The following SLC4A10 variants were observed in gnomAD, a reference collection of about 807,000 sequenced individuals.
The protein encoded by SLC4A10 is solute carrier family 4 member 10.
Under a neutral mutation model 137.7 loss-of-function variants are expected in SLC4A10, and 42 were observed. The ratio of observed to expected loss-of-function variants is 0.30; its 90% CI spans 0.24 to 0.39. SLC4A10 has a LOEUF of 0.39. Ranked by LOEUF, SLC4A10 falls within the 10% of genes least tolerant of loss-of-function variation. The pLI is 1.00. For synonymous variants in SLC4A10, 474 were observed against 464.1 expected (o/e 1.02, Z -0.27); for missense variants, 925 against 1,355.0 (o/e 0.68, Z 4.98).
At chr2:161,939,649 G>A (rs1478254977) in intron 15 of SLC4A10, among the ~76,000 whole-genome samples, 1 of 152,066 alleles carries the variant, frequency 6.6e-6, no homozygotes, top group African/African-American at 2.4e-5. Flanking sequence ...CAACTCCGTT[G>A]TAGCGGCTAT....
At chr2:161,646,928 G>C (rs1206867580) in intron 1 of SLC4A10, among the ~76,000 whole-genome samples, 2 of 151,904 alleles carry the variant, frequency 1.3e-5, no homozygotes, top group Non-Finnish European at 2.9e-5. Context: ...TCTTAGTTAC[G>C]AAGAGTTTTA....
In SLC4A10 at chr2:161,965,141, A is replaced by G; in HGVS notation, c.3127A>G (p.Lys1043Glu). Residue 1043 changes from lysine (K) to glutamate (E), a missense_variant, in exon 23 of 27, where the codon AAG becomes GAG. By Grantham distance (56) the Lys-to-Glu change is moderately conservative. Around this residue, in one of 11 missense-constraint regions of SLC4A10, gnomAD observed 115 missense variants for 237.5 expected, o/e 0.48. Transcript: ENST00000446997. ...GTTGGATGATTTGATGCCCGAGAGT[A>G]AGAAAAAGAAACTGGAAGATGCTGA... ...SWLDDLMPESKKKKLEDAEKE... is the reference protein window; with the variant it reads ...SWLDDLMPESEKKKLEDAEKE... The G allele has an allele frequency of 6.2e-7, 1 of 1,611,798 alleles. No homozygotes were observed. The highest frequency in any genetic ancestry group is 8.5e-7 in the Non-Finnish European group (1 of 1,178,640).
intron 1 of SLC4A10, among the ~76,000 whole-genome samples, chr2:161,718,244 C>A (rs2045182826): frequency 6.6e-6 from 1 of 151,946 alleles, no homozygotes; most frequent in African/African-American, 2.4e-5. Flanking sequence ...AAAAAAATCA[C>A]CTCCTGGATT....
rs770723696 is a variant in SLC4A10 at position 161,804,508 on chromosome 2, C to T, written c.190C>T (p.Arg64Cys). The T allele has an allele frequency of 3.7e-6, 6 of 1,613,040 alleles. No individual in the cohort carries two copies. Among genetic ancestry groups the T allele is most frequent in the East Asian group, 2.2e-5 (1 of 44,804 alleles). Residue 64 changes from arginine (R) to cysteine (C), a missense_variant, in exon 3 of 27, where the codon CGT (arginine) becomes TGT (cysteine). Arg to Cys is a radical substitution (Grantham distance 180). Coordinates refer to ENST00000446997, the MANE Select transcript of SLC4A10 (RefSeq NM_001178015.2). ...VPLGGRKSHR[R>C]HRHRGHKHRK... Reference sequence around the variant, plus strand: ...CTTGGGAGGAAGAAAAAGCCATCGACGTCACAGGCATCGTGGTCATAAACA... The same window carrying T: ...CTTGGGAGGAAGAAAAAGCCATCGATGTCACAGGCATCGTGGTCATAAACA...
At chr2:161,654,451 C>T (rs1344243780) in intron 1 of SLC4A10, among the ~76,000 whole-genome samples, 1 of 152,130 alleles carries the variant, frequency 6.6e-6, no homozygotes, top group Non-Finnish European at 1.5e-5. Context: ...GTCGTGAAAT[C>T]ATTGTCAAGA....
chr2:161,727,071 G>T (rs181590325), intron 1 of SLC4A10, among the ~76,000 whole-genome samples: 1 of 152,212 alleles, frequency 6.6e-6, no homozygotes, highest in Non-Finnish European at 1.5e-5. Context: ...ACTGGAGAGG[G>T]TTATTCAAAT....
chr2:161,830,941 G>T (rs1278732232), intron 3 of SLC4A10, among the ~76,000 whole-genome samples: 2 of 152,138 alleles, frequency 1.3e-5, no homozygotes, highest in African/African-American at 4.8e-5. Flanking sequence ...CTTAGATGTG[G>T]ATATGTATGT....
intron 18 of SLC4A10, among the ~76,000 whole-genome samples, chr2:161,950,301 A>G (rs1474048220): frequency 6.6e-6 from 1 of 152,066 alleles, no homozygotes; most frequent in African/African-American, 2.4e-5. Context: ...ACATTTTCCA[A>G]TAGTAAATAG....
intron 6 of SLC4A10, among the ~76,000 whole-genome samples, chr2:161,866,418 G>T (rs566439641): frequency 1.3e-5 from 2 of 151,324 alleles, no homozygotes; most frequent in Admixed American, 1.3e-4. Context: ...TTTTTTCTTC[G>T]TATTCCGCAT....
At chr2:161,855,186 T>C (rs2060033344) in intron 5 of SLC4A10, 56 bp downstream of exon 5, 1 of 1,500,990 alleles carries the variant, frequency 6.7e-7, no homozygotes, top group South Asian at 1.4e-5. Context: ...TTTGTTACTC[T>C]CTTTTCCTTA....
intron 15 of SLC4A10, among the ~76,000 whole-genome samples, chr2:161,932,491 A>G (rs1265510356): frequency 6.6e-6 from 1 of 152,180 alleles, no homozygotes. Context: ...CATGCTACTG[A>G]GCTTTACTAT....
At chr2:161,810,630 G>T (rs964951909) in intron 3 of SLC4A10, among the ~76,000 whole-genome samples, 2 of 151,964 alleles carry the variant, frequency 1.3e-5, no homozygotes, top group African/African-American at 4.8e-5. Context: ...ATAACCATAT[G>T]GTTTTGATTT....
chr2:161,809,027 A>C (rs1354337557), intron 3 of SLC4A10, among the ~76,000 whole-genome samples: 2 of 152,148 alleles, frequency 1.3e-5, no homozygotes, highest in Non-Finnish European at 2.9e-5. Flanking sequence ...TTATATTCCC[A>C]CCAACAGTGT....
In SLC4A10 at chr2:161,942,991, A is replaced by G. The variant is rs562902624; in HGVS notation, c.2103+94A>G. 54 of 859,842 alleles carry G rather than the reference A, an allele frequency of 6.3e-5. No individual in the cohort carries two copies. In the Admixed American group the frequency reaches 7.1e-4, roughly 11 times the overall value. The allele number at this position is 859,842 out of a possible 1,614,324, so 53.3% of individuals were successfully genotyped here. A position where few individuals can be genotyped will look rare whatever the true frequency, so the allele number is the denominator to read the frequency against. On this transcript the variant is annotated intron_variant, in intron 16 of 26. Coordinates refer to ENST00000446997, the MANE Select transcript of SLC4A10 (RefSeq NM_001178015.2). ...ATTACAGTAAAATTTTTTTGAATGC[A>G]TAATATAAAACTAATAGTTGTGTTT... is the stretch of plus-strand genomic sequence containing the variant.
At chr2:161,680,761 A>G (rs1206201069) in intron 1 of SLC4A10, among the ~76,000 whole-genome samples, 1 of 152,128 alleles carries the variant, frequency 6.6e-6, no homozygotes, top group African/African-American at 2.4e-5. Flanking sequence ...TATTATTTTT[A>G]TATATGTATA....
intron 23 of SLC4A10, among the ~76,000 whole-genome samples, chr2:161,966,734 T>G (rs1196392139): frequency 5.1e-4 from 9 of 17,588 alleles, no homozygotes; most frequent in Non-Finnish European, 1.2e-3. Flanking sequence ...AGACTCCGTC[T>G]CAAAAAAAAA....
intron 15 of SLC4A10, among the ~76,000 whole-genome samples, chr2:161,925,481 G>C (rs542769792): frequency 1.3e-5 from 2 of 152,042 alleles, no homozygotes; most frequent in East Asian, 3.9e-4. Context: ...TATCAATTTT[G>C]TTGATCCTTT....
chr2:161,807,025 G>A (rs1385687060), intron 3 of SLC4A10, among the ~76,000 whole-genome samples: 10 of 152,186 alleles, frequency 6.6e-5, no homozygotes, highest in South Asian at 2.1e-4. Context: ...ATAGCGGAAA[G>A]CAAGGAGGAG....
At chr2:161,844,376 G>A (rs774965683) in intron 4 of SLC4A10, among the ~76,000 whole-genome samples, 3 of 152,096 alleles carry the variant, frequency 2.0e-5, no homozygotes, top group African/African-American at 4.8e-5. Context: ...AACAGTTAAT[G>A]TCTATAAACA....
Sources: allele counts gnomAD v4.1 joint callset (sites outside exome capture counted in the v4.1 genomes callset), GRCh38; gene constraint gnomAD v4.1.1; regional missense constraint gnomAD v4.1.1; transcripts MANE v1.5; gene names NCBI Gene and HGNC (gene_info 2026-07-23, HGNC 2026-07-21).